Variants in NRCAM observed in about 807,000 individuals in gnomAD.
NRCAM encodes the protein NgCAM-related cell adhesion molecule.
In NRCAM, 83 loss-of-function variants were observed where a neutral mutation model predicts 156.5. The ratio of observed to expected loss-of-function variants is 0.53; its 90% CI spans 0.44 to 0.64. The LOEUF is 0.64. Among genes scored for constraint, NRCAM ranks in the 30% least tolerant of loss-of-function variants. The pLI is 0.00. For missense variants in NRCAM, 1,417 were observed against 1,597.3 expected, an observed-to-expected ratio of 0.89 and a Z score of 1.92; for synonymous variants, 538 against 563.9, an observed-to-expected ratio of 0.95 and a Z score of 0.65.
chr7:108,307,509 T>C (rs937065070), intron 3 of NRCAM, among the ~76,000 whole-genome samples: 4 of 152,228 alleles, frequency 2.6e-5, no homozygotes, highest in African/African-American at 9.6e-5. Context: ...ACTTGCTTTC[T>C]GCAACAGTCA....
intron 3 of NRCAM, among the ~76,000 whole-genome samples, chr7:108,312,368 G>A (rs1017405501): frequency 6.6e-6 from 1 of 151,980 alleles, no homozygotes; most frequent in African/African-American, 2.4e-5. Context: ...TACTAGCAGT[G>A]CTTTGCCTCT....
At chr7:108,233,273 C>A (rs2094531830) in intron 6 of NRCAM, among the ~76,000 whole-genome samples, 1 of 151,998 alleles carries the variant, frequency 6.6e-6, no homozygotes, top group African/African-American at 2.4e-5. Flanking sequence ...TACAAAGGTA[C>A]GAATCTCTAA....
intron 2 of NRCAM, among the ~76,000 whole-genome samples, chr7:108,362,843 A>G (rs2154323207): frequency 1.3e-5 from 2 of 152,114 alleles, no homozygotes; most frequent in Middle Eastern, 6.8e-3. Flanking sequence ...CTGTTTGCTG[A>G]AAAAAAACTA....
intron 1 of NRCAM, among the ~76,000 whole-genome samples, chr7:108,435,305 G>A (rs1443866436): frequency 6.6e-6 from 1 of 152,150 alleles, no homozygotes; most frequent in Non-Finnish European, 1.5e-5. Flanking sequence ...TGAGAAGGCA[G>A]AAGAAGAAAT....
At chr7:108,275,580 ATATCCCCTT>A (rs2097564233) in intron 3 of NRCAM, among the ~76,000 whole-genome samples, 1 of 152,072 alleles carries the variant, frequency 6.6e-6, no homozygotes, top group Non-Finnish European at 1.5e-5. Flanking sequence ...ATCGATGGTG[ATATCCCCTT>A]TATCATTTTA....
chr7:108,210,395 C>T (rs541212575), intron 11 of NRCAM, among the ~76,000 whole-genome samples: 88 of 152,100 alleles, frequency 5.8e-4, no homozygotes, highest in African/African-American at 2.0e-3. Context: ...TACAGGTGCC[C>T]GCCACCATGC....
chr7:108,189,834 T>C, intron 19 of NRCAM, 88 bp from the exon 20 acceptor site: 1 of 642,894 alleles, frequency 1.6e-6, no homozygotes. Flanking sequence ...AGAGGGGACA[T>C]CTTAAAGACA....
intron 29 of NRCAM, among the ~76,000 whole-genome samples, chr7:108,167,776 G>A (rs1490517005): frequency 6.6e-6 from 1 of 152,142 alleles, no homozygotes; most frequent in Non-Finnish European, 1.5e-5. Context: ...AAGAGTGCCT[G>A]ACTTGAGAAT....
chr7:108,408,115 A>T (rs928503789), intron 1 of NRCAM, among the ~76,000 whole-genome samples: 15 of 152,136 alleles, frequency 9.9e-5, no homozygotes, highest in Non-Finnish European at 2.1e-4. Flanking sequence ...TTCTTTTTTT[A>T]AAAAAACTGC....
At chr7:108,220,271 C>T (rs1046254080) in intron 11 of NRCAM, among the ~76,000 whole-genome samples, 1 of 152,068 alleles carries the variant, frequency 6.6e-6, no homozygotes, top group African/African-American at 2.4e-5. Flanking sequence ...TGACATACTG[C>T]CAAAAGCAAT....
chr7:108,149,430 T>C lies in NRCAM; in HGVS notation c.*480A>G. ...CGACAGCTATACATAGTCACCAATT[T>C]CACAACAATGTCCACAAAGACATTG... On this transcript the variant is annotated 3_prime_UTR_variant, in exon 33 of 33. Coordinates refer to ENST00000379028, the MANE Select transcript of NRCAM (RefSeq NM_001037132.4). The C allele has an allele frequency of 6.2e-6, 1 of 161,224 alleles. No homozygotes were observed. The highest frequency in any genetic ancestry group is 1.8e-4 in the East Asian group (1 of 5,486). The allele number at this position is 161,224 out of a possible 1,614,324, so 10.0% of individuals were successfully genotyped here.
chr7:108,393,481 T>C (rs2099767796), intron 2 of NRCAM, among the ~76,000 whole-genome samples: 1 of 152,152 alleles, frequency 6.6e-6, no homozygotes, highest in Non-Finnish European at 1.5e-5. Context: ...GTGCCATCTG[T>C]CACAGATTCC....
intron 3 of NRCAM, among the ~76,000 whole-genome samples, chr7:108,269,236 T>C (rs1437803418): frequency 6.6e-6 from 1 of 152,098 alleles, no homozygotes; most frequent in Non-Finnish European, 1.5e-5. Context: ...AACCAAAGTT[T>C]AAATAAAGAC....
At chr7:108,284,963 C>T (rs2098029645) in intron 3 of NRCAM, among the ~76,000 whole-genome samples, 1 of 152,202 alleles carries the variant, frequency 6.6e-6, no homozygotes, top group South Asian at 2.1e-4. Flanking sequence ...GGCTCATTCA[C>T]CTACTCCTTG....
intron 32 of NRCAM, among the ~76,000 whole-genome samples, chr7:108,156,985 G>A (rs547106229): frequency 3.3e-5 from 5 of 152,198 alleles, no homozygotes; most frequent in African/African-American, 1.2e-4. Flanking sequence ...GGTAGTGTCA[G>A]GAAATCAAAG....
chr7:108,428,295 A>T (rs1820044713), intron 1 of NRCAM, among the ~76,000 whole-genome samples: 1 of 152,176 alleles, frequency 6.6e-6, no homozygotes, highest in African/African-American at 2.4e-5. Context: ...ATGGTGAAAA[A>T]AATTAATTAC....
chr7:108,187,690 G>A (rs1481016227), intron 20 of NRCAM, among the ~76,000 whole-genome samples: 2 of 152,114 alleles, frequency 1.3e-5, no homozygotes, highest in Non-Finnish European at 2.9e-5. Context: ...AGTGGCTCAC[G>A]CCTGTAATCC....
At chr7:108,330,720 C>A (rs2099118185) in intron 2 of NRCAM, among the ~76,000 whole-genome samples, 2 of 152,158 alleles carry the variant, frequency 1.3e-5, no homozygotes, top group African/African-American at 4.8e-5. Context: ...CTTGACCTGA[C>A]AGCAATCACT....
At chr7:108,354,090 T>C (rs757012544) in intron 2 of NRCAM, among the ~76,000 whole-genome samples, 1 of 152,218 alleles carries the variant, frequency 6.6e-6, no homozygotes, top group Non-Finnish European at 1.5e-5. Flanking sequence ...ACCAGTTACC[T>C]TAGCCCTTAA....
Sources: allele counts gnomAD v4.1 joint callset (sites outside exome capture counted in the v4.1 genomes callset), GRCh38; gene constraint gnomAD v4.1.1; transcripts MANE v1.5; gene names NCBI Gene and HGNC (gene_info 2026-07-23, HGNC 2026-07-21).